Variants in PYGL observed in about 807,000 individuals in gnomAD.
PYGL encodes the protein glycogen phosphorylase L.
PYGL carries 90 observed loss-of-function variants against 100.1 expected under a neutral mutation model. The ratio of observed to expected loss-of-function variants is 0.90; its 90% CI spans 0.76 to 1.07. The LOEUF (loss-of-function observed/expected upper bound fraction) is 1.07, where lower values mean the gene tolerates loss of function less well. PYGL is among the 50% of genes least tolerant of loss of function. The pLI, the probability that PYGL is intolerant of heterozygous loss-of-function variation, is 0.00. For missense variants in PYGL, 1,016 were observed against 1,057.6 expected, an observed-to-expected ratio of 0.96 and a Z score of 0.55; for synonymous variants, 373 against 393.0, an observed-to-expected ratio of 0.95 and a Z score of 0.60.
At chr14:50,927,089 G>C (rs1210443026) in intron 4 of PYGL, among the ~76,000 whole-genome samples, 1 of 152,136 alleles carries the variant, frequency 6.6e-6, no homozygotes. Context: ...GCTGAGAAAT[G>C]CAGCAGGATG....
chr14:50,923,687 C>CAAAA lies in PYGL; in HGVS notation c.660+278_660+281dup, dbSNP rs762951824. The CAAAA allele has an allele frequency of 4.5e-3, 536 of 119,422 alleles. 5 individuals carry two copies. Among genetic ancestry groups the CAAAA allele is most frequent in the East Asian group, 9.6e-3 (41 of 4,280 alleles). The allele number at this position is 119,422 out of a possible 1,614,324, so 7.4% of individuals were successfully genotyped here. A position where few individuals can be genotyped will look rare whatever the true frequency, so the allele number is the denominator to read the frequency against. On this transcript the variant is annotated intron_variant, in intron 5 of 19. Transcript: ENST00000216392. ...TACTATAGAACTGACAATTTTCTGG[C>CAAAA]AAAAAAAAAAAAAAAAAAAAAAGAA... is the stretch of plus-strand genomic sequence containing the variant.
intron 1 of PYGL, among the ~76,000 whole-genome samples, chr14:50,942,117 C>T (rs1343708654): frequency 6.6e-6 from 1 of 152,194 alleles, no homozygotes; most frequent in East Asian, 1.9e-4. Flanking sequence ...ACTTGCTCTA[C>T]TTTATGAGGG....
chr14:50,909,794 A>G lies in PYGL; in HGVS notation c.2177+101T>C. On this transcript the variant is annotated intron_variant, in intron 17 of 19. Coordinates refer to ENST00000216392, the MANE Select transcript of PYGL (RefSeq NM_002863.5). ...CTGCTGCCACCTCTTATGTGATCCA[A>G]TTTCAGTGGGATATCGGTGTGGGCA... The G allele has an allele frequency of 3.7e-6, 5 of 1,357,986 alleles. No individual in the cohort carries two copies. The South Asian group carries it at 4.7e-5, about 13-fold the overall frequency. 84.1% of individuals were successfully genotyped at this position (1,357,986 alleles called of 1,614,324 possible). A position where few individuals can be genotyped will look rare whatever the true frequency, so the allele number is the denominator to read the frequency against.
At chr14:50,909,111 CT>C (rs745720407) in intron 17 of PYGL, among the ~76,000 whole-genome samples, 156 bp from the exon 18 acceptor site, 1 of 152,132 alleles carries the variant, frequency 6.6e-6, no homozygotes, top group East Asian at 1.9e-4. Context: ...GTATATATAA[CT>C]TTTAACTAGA....
chr14:50,923,904 G>C (rs752566399), intron 5 of PYGL, 65 bp downstream of exon 5: 2 of 1,532,500 alleles, frequency 1.3e-6, no homozygotes, highest in Non-Finnish European at 1.8e-6. Flanking sequence ...ATGCTACATA[G>C]TCAATGTATT....
At chr14:50,920,644 C>T in intron 6 of PYGL, 21 bp from the exon 7 acceptor site, 5 of 1,581,288 alleles carry the variant, frequency 3.2e-6, no homozygotes, top group Non-Finnish European at 3.5e-6. Flanking sequence ...GTTAGAGAAA[C>T]AATAAATAGA....
chr14:50,942,186 G>C (rs1397614985), intron 1 of PYGL, among the ~76,000 whole-genome samples: 2 of 94,418 alleles, frequency 2.1e-5, no homozygotes, highest in Non-Finnish European at 2.5e-5. Flanking sequence ...ATGAACACGT[G>C]TGGAATGAAA....
intron 19 of PYGL, 148 bp downstream of exon 19, chr14:50,908,123 T>G (rs1341018951): frequency 2.7e-5 from 16 of 584,264 alleles, no homozygotes; most frequent in East Asian, 2.3e-4. Flanking sequence ...GTTGTGGTTG[T>G]TTGTTTGTTT....
Position 50,915,506 on chromosome 14 carries a change from A to C in PYGL, c.1240-7T>G. The C allele has an allele frequency of 6.2e-7, 1 of 1,614,152 alleles. No homozygotes were observed. The highest frequency in any genetic ancestry group is 8.5e-7 in the Non-Finnish European group (1 of 1,180,002). On this transcript the variant is annotated splice_region_variant and splice_polypyrimidine_tract_variant and intron_variant, in intron 10 of 19. Coordinates refer to ENST00000216392, the MANE Select transcript of PYGL (RefSeq NM_002863.5). ...GAAACAAGGCCACAATTCTCTAGCCAAAGGAAGAGAAAGCCCTTGCTGGTC... is the reference window on the plus strand; with the variant it reads ...GAAACAAGGCCACAATTCTCTAGCCCAAGGAAGAGAAAGCCCTTGCTGGTC...
chr14:50,943,210 C>T (rs2050716113), intron 1 of PYGL, among the ~76,000 whole-genome samples: 2 of 152,152 alleles, frequency 1.3e-5, no homozygotes, highest in South Asian at 2.1e-4. Flanking sequence ...TACCTGGCTT[C>T]TCCAGTTTCC....
Position 50,934,961 on chromosome 14 carries a change from A to G in PYGL, c.424+146T>C, listed in dbSNP as rs1006128308. 48 of 757,162 alleles carry G rather than the reference A, an allele frequency of 6.3e-5. 1 individual carries two copies. In the Admixed American group the frequency reaches 8.5e-4, roughly 13 times the overall value. 46.9% of individuals were successfully genotyped at this position (757,162 alleles called of 1,614,324 possible). On this transcript the variant is annotated intron_variant, in intron 3 of 19. Transcript: ENST00000216392. Reference sequence around the variant, plus strand: ...CTAGAATTGATCAAACCAAAGTGCAAACTCAAGAACAAATACATCTACAAC... The same window carrying G: ...CTAGAATTGATCAAACCAAAGTGCAGACTCAAGAACAAATACATCTACAAC...
At chr14:50,926,003 G>C (rs2050544566) in intron 4 of PYGL, among the ~76,000 whole-genome samples, 1 of 152,088 alleles carries the variant, frequency 6.6e-6, no homozygotes, top group African/African-American at 2.4e-5. Flanking sequence ...ACCCCACAAA[G>C]AGCAGCCAAG....
chr14:50,917,239 C>T (rs2050461682), intron 7 of PYGL, 134 bp from the exon 8 acceptor site: 1 of 988,244 alleles, frequency 1.0e-6, no homozygotes, highest in Non-Finnish European at 1.6e-6. Flanking sequence ...GTTTGAATGC[C>T]AAACTGTGAG....
At chr14:50,935,213 A>G (rs754602026) in intron 2 of PYGL, 28 bp from the exon 3 acceptor site, 2 of 1,572,314 alleles carry the variant, frequency 1.3e-6, no homozygotes, top group South Asian at 2.2e-5. Context: ...ACAATATTGG[A>G]AGCAGATAAA....
chr14:50,912,630 C>T (rs1038989818), intron 13 of PYGL, among the ~76,000 whole-genome samples: 13 of 152,176 alleles, frequency 8.5e-5, no homozygotes, highest in African/African-American at 2.9e-4. Flanking sequence ...GGATGAGCCA[C>T]CGCGCCCGGC....
chr14:50,907,945 C>T (rs1254034814), intron 19 of PYGL, among the ~76,000 whole-genome samples: 1 of 149,308 alleles, frequency 6.7e-6, no homozygotes, highest in Admixed American at 6.7e-5. Context: ...ACTTGGGAGG[C>T]CGAGAGGTGA....
At chr14:50,933,598 TA>T (rs1027233886) in intron 3 of PYGL, among the ~76,000 whole-genome samples, 3 of 152,202 alleles carry the variant, frequency 2.0e-5, no homozygotes, top group African/African-American at 7.2e-5. Context: ...TTAAAAATAT[TA>T]AAAGTTACAG....
At position 50,912,047 on chromosome 14, in the gene PYGL, T is replaced by G; in HGVS notation, c.1769-11A>C. 1 of 1,613,734 alleles carries G rather than the reference T, an allele frequency of 6.2e-7. No homozygotes were observed. The highest frequency in any genetic ancestry group is 8.5e-7 in the Non-Finnish European group (1 of 1,179,614). On this transcript the variant is annotated splice_polypyrimidine_tract_variant and intron_variant, in intron 14 of 19. Coordinates refer to ENST00000216392, the MANE Select transcript of PYGL (RefSeq NM_002863.5). ...GGTCTTTCTTAATGCCTGAAAAAGA[T>G]GGAGAAGTGGATGAAATGGAAGACA...
chr14:50,916,958 T>C lies in PYGL; in HGVS notation c.999+4A>G. The C allele has an allele frequency of 6.2e-7, 1 of 1,614,104 alleles. No individual in the cohort carries two copies. The highest frequency in any genetic ancestry group is 8.5e-7 in the Non-Finnish European group (1 of 1,179,946). ...CTAACTGCATCCACAGACTAAATAC[T>C]TGCCTGATCCGGGAAGGCATCAAAC... is the stretch of plus-strand genomic sequence containing the variant. On this transcript the variant is annotated splice_donor_region_variant and intron_variant, in intron 8 of 19. Coordinates refer to ENST00000216392, the MANE Select transcript of PYGL (RefSeq NM_002863.5).
Sources: allele counts gnomAD v4.1 joint callset (sites outside exome capture counted in the v4.1 genomes callset), GRCh38; gene constraint gnomAD v4.1.1; transcripts MANE v1.5; gene names NCBI Gene and HGNC (gene_info 2026-07-23, HGNC 2026-07-21).